Variants in CYP4B1 observed in about 807,000 individuals in gnomAD.
CYP4B1 encodes the protein cytochrome P450 4B1.
Under a neutral mutation model 54.0 loss-of-function variants are expected in CYP4B1, and 45 were observed. The ratio of observed to expected loss-of-function variants is 0.83; its 90% CI spans 0.66 to 1.07. CYP4B1 has a LOEUF of 1.07. CYP4B1 is among the 50% of genes least tolerant of loss of function. CYP4B1 has a pLI of 0.00. For synonymous variants in CYP4B1, 248 were observed against 247.5 expected, an observed-to-expected ratio of 1.00 and a Z score of -0.02; for missense variants, 656 against 655.4, an observed-to-expected ratio of 1.00 and a Z score of -0.01.
At chr1:46,810,388 C>T (rs1385479512) in intron 1 of CYP4B1, among the ~76,000 whole-genome samples, 2 of 152,150 alleles carry the variant, frequency 1.3e-5, no homozygotes, top group African/African-American at 4.8e-5. Flanking sequence ...ACATGTAGGC[C>T]CTCAATAAAA....
intron 1 of CYP4B1, chr1:46,806,879 G>A (rs1488612007): frequency 3.9e-5 from 6 of 152,204 alleles, no homozygotes; most frequent in Admixed American, 3.3e-4. Flanking sequence ...TTCTGAGGGC[G>A]AGTCTGAGGC....
intron 1 of CYP4B1, among the ~76,000 whole-genome samples, chr1:46,800,621 C>T (rs1023653395): frequency 3.9e-5 from 6 of 152,168 alleles, no homozygotes; most frequent in East Asian, 1.9e-4. Context: ...TGAGCCACCG[C>T]GCCTGGCTGA....
rs1419920547 is a variant in CYP4B1 at position 46,818,943 on chromosome 1, C to T, written c.*129C>T. On this transcript the variant is annotated 3_prime_UTR_variant, in exon 12 of 12. Transcript: ENST00000371923. ...GCTTGTAGTTTAGAAGGGAAGTAGG[C>T]ATTACCATAGACGACTCCTAGAGGA... 6.5e-6 allele frequency: 5 copies of T among 764,428 alleles called. No homozygotes were observed. The East Asian group carries it at 1.1e-4, about 16-fold the overall frequency. 47.4% of individuals were successfully genotyped at this position (764,428 alleles called of 1,614,324 possible).
chr1:46,800,217 C>T (rs1357580356), intron 1 of CYP4B1, among the ~76,000 whole-genome samples: 4,154 of 84,476 alleles, frequency 0.049, 834 homozygotes, highest in East Asian at 0.1. Context: ...CTTTCTTTCT[C>T]TTTCTCTCTT....
intron 8 of CYP4B1, 54 bp downstream of exon 8, chr1:46,815,318 G>A (rs911219675): frequency 2.7e-6 from 4 of 1,474,198 alleles, no homozygotes; most frequent in Non-Finnish European, 3.6e-6. Context: ...GAAGGGCGAT[G>A]CCCATCCTGT....
At chr1:46,806,261 G>C (rs1678855582) in intron 1 of CYP4B1, among the ~76,000 whole-genome samples, 1 of 152,186 alleles carries the variant, frequency 6.6e-6, no homozygotes, top group Non-Finnish European at 1.5e-5. Context: ...TGCCGAAAAG[G>C]AAACCCCTTC....
At chr1:46,799,423 C>G (rs1428320716) in intron 1 of CYP4B1, among the ~76,000 whole-genome samples, 162 bp downstream of exon 1, 1 of 152,208 alleles carries the variant, frequency 6.6e-6, no homozygotes, top group Non-Finnish European at 1.5e-5. Flanking sequence ...ACCGGAATTT[C>G]TCCTTCACTC....
At chr1:46,802,638 C>T (rs954229348) in intron 1 of CYP4B1, among the ~76,000 whole-genome samples, 1 of 152,204 alleles carries the variant, frequency 6.6e-6, no homozygotes, top group Non-Finnish European at 1.5e-5. Flanking sequence ...TATGGTCCCT[C>T]TTTCCTAAGC....
chr1:46,810,819 G>T lies in CYP4B1; in HGVS notation c.192G>T (p.Thr64=). Residue 64 remains threonine (T), a synonymous_variant, in exon 2 of 12, where the codon ACG becomes ACT. Transcript: ENST00000371923. ...LFGHALEIQE[T]GSLDKVVSWA... is the part of the protein sequence containing the mutation. ...TGTCATCATTTCAGATCCAGGAGAC[G>T]GGGAGCCTGGACAAAGTGGTGTCCT... 1 of 1,614,128 alleles carries T rather than the reference G, an allele frequency of 6.2e-7. No individual in the cohort carries two copies. Among genetic ancestry groups the T allele is most frequent in the Non-Finnish European group, 8.5e-7 (1 of 1,180,008 alleles).
chr1:46,809,147 A>AAAC (rs1678987815), intron 1 of CYP4B1, among the ~76,000 whole-genome samples: 5 of 152,018 alleles, frequency 3.3e-5, no homozygotes, highest in Admixed American at 3.3e-4. Flanking sequence ...CAAACAAAAA[A>AAAC]CAAAAAAATA....
chr1:46,804,256 C>T (rs764052124), intron 1 of CYP4B1, among the ~76,000 whole-genome samples: 6 of 151,924 alleles, frequency 3.9e-5, no homozygotes, highest in South Asian at 2.1e-4. Context: ...CTGGGCTCAG[C>T]GCCAGGGAGG....
chr1:46,811,225 C>A (rs767615933), intron 3 of CYP4B1, 41 bp downstream of exon 3: 4 of 1,602,706 alleles, frequency 2.5e-6, no homozygotes, highest in Non-Finnish European at 3.4e-6. Flanking sequence ...CAACCTCAGA[C>A]CCGTGGTGCT....
chr1:46,813,680 G>C, intron 5 of CYP4B1, 74 bp downstream of exon 5: 1 of 1,592,726 alleles, frequency 6.3e-7, no homozygotes, highest in Non-Finnish European at 8.5e-7. Context: ...AGGGGTCCTG[G>C]GCTCTGATCT....
intron 1 of CYP4B1, among the ~76,000 whole-genome samples, chr1:46,810,359 G>T (rs1377704204): frequency 3.9e-5 from 6 of 152,174 alleles, no homozygotes; most frequent in Non-Finnish European, 1.5e-5. Flanking sequence ...CCCCTGAGAT[G>T]TCTAGAACAG....
chr1:46,799,505 C>A (rs993144853), intron 1 of CYP4B1, among the ~76,000 whole-genome samples: 1 of 152,208 alleles, frequency 6.6e-6, no homozygotes, highest in African/African-American at 2.4e-5. Flanking sequence ...CAGACACCTT[C>A]TCCTCATTCT....
chr1:46,801,616 A>G (rs998959630), intron 1 of CYP4B1, among the ~76,000 whole-genome samples: 1 of 152,180 alleles, frequency 6.6e-6, no homozygotes, highest in Non-Finnish European at 1.5e-5. Flanking sequence ...CATTGCAAGC[A>G]CAACTCCTGC....
At chr1:46,814,125 T>C (rs1569903380) in intron 6 of CYP4B1, 62 bp downstream of exon 6, 2 of 1,610,406 alleles carry the variant, frequency 1.2e-6, no homozygotes, top group Non-Finnish European at 1.7e-6. Context: ...GGCCCCTCTA[T>C]GCCCCCTCCC....
chr1:46,818,741 C>G lies in CYP4B1; in HGVS notation c.1466C>G (p.Pro489Arg). 1.2e-6 allele frequency: 2 copies of G among 1,614,166 alleles called. No homozygotes were observed. The highest frequency in any genetic ancestry group is 1.7e-6 in the Non-Finnish European group (2 of 1,180,030). The change falls in exon 12 of 12, where the codon CCC becomes CGC. Residue 489 changes from proline (P) to arginine (R), a missense_variant. Pro to Arg is a moderately radical substitution (Grantham distance 103). Transcript: ENST00000371923. ...LDPSRLPIKM[P>R]QLVLRSKNGF... ...CCCTCACGGCTGCCCATCAAGATGCCCCAGCTTGTCCTGCGCTCCAAGAAT... is the reference window on the plus strand; with the variant it reads ...CCCTCACGGCTGCCCATCAAGATGCGCCAGCTTGTCCTGCGCTCCAAGAAT...
intron 9 of CYP4B1, 113 bp downstream of exon 9, chr1:46,817,294 CAG>C: frequency 7.6e-7 from 1 of 1,311,226 alleles, no homozygotes; most frequent in Non-Finnish European, 1.1e-6. Flanking sequence ...GCTTTGCGTT[CAG>C]AGAGCCCTGG....
Sources: allele counts gnomAD v4.1 joint callset (sites outside exome capture counted in the v4.1 genomes callset), GRCh38; gene constraint gnomAD v4.1.1; transcripts MANE v1.5; gene names NCBI Gene and HGNC (gene_info 2026-07-23, HGNC 2026-07-21).